WASHC5: variants seen among roughly 807,000 people sequenced by gnomAD.
The protein encoded by WASHC5 is WASH complex subunit 5, also known as WASH complex subunit strumpellin.
WASHC5 carries 101 observed loss-of-function variants against 150.4 expected under a neutral mutation model. That is an observed-to-expected ratio of 0.67 (90% CI 0.57 to 0.79). The LOEUF is 0.79. Among genes scored for constraint, WASHC5 ranks in the 30% least tolerant of loss-of-function variants. WASHC5 has a pLI of 0.00. For synonymous variants in WASHC5, 467 were observed against 491.2 expected, an observed-to-expected ratio of 0.95 and a Z score of 0.65; for missense variants, 1,195 against 1,396.3, an observed-to-expected ratio of 0.86 and a Z score of 2.30.
chr8:125,067,828 A>C (rs1816793547), intron 9 of WASHC5, 109 bp from the exon 10 acceptor site: 4 of 1,152,412 alleles, frequency 3.5e-6, no homozygotes, highest in Non-Finnish European at 3.8e-6. Flanking sequence ...AAAAGTAATA[A>C]GCAAAATGTA....
In WASHC5 at chr8:125,078,933, G is replaced by A. The variant is rs759559691; in HGVS notation, c.519-3C>T. 2.4e-5 allele frequency: 39 copies of A among 1,612,472 alleles called. No homozygotes were observed. The highest frequency in any genetic ancestry group is 3.1e-5 in the Non-Finnish European group (37 of 1,178,866). ...AATCAGCAGAAGATCGAGCAGCACT[G>A]AGTCATATTCACAATGGGAAACAAA... On this transcript the variant is annotated splice_polypyrimidine_tract_variant and splice_region_variant and intron_variant, in intron 5 of 28. Transcript: ENST00000318410.
intron 21 of WASHC5, 153 bp downstream of exon 21, chr8:125,044,383 C>T (rs1815993379): frequency 9.5e-6 from 8 of 843,536 alleles, no homozygotes; most frequent in East Asian, 7.3e-5. Flanking sequence ...TAGTTTATTC[C>T]CAGCTCTGAT....
chr8:125,056,120 C>T (rs985941203), intron 16 of WASHC5, among the ~76,000 whole-genome samples: 12 of 152,184 alleles, frequency 7.9e-5, no homozygotes, highest in African/African-American at 2.4e-4. Context: ...AAGTCCCTGA[C>T]ATATTTCTTG....
chr8:125,066,239 C>T (rs1002330770), intron 10 of WASHC5, among the ~76,000 whole-genome samples: 1 of 152,174 alleles, frequency 6.6e-6, no homozygotes, highest in African/African-American at 2.4e-5. Context: ...TCACTGAAAA[C>T]ACTAAGCACA....
intron 28 of WASHC5, among the ~76,000 whole-genome samples, chr8:125,028,387 T>C (rs1303381448): frequency 6.6e-6 from 1 of 151,944 alleles, no homozygotes; most frequent in Non-Finnish European, 1.5e-5. Flanking sequence ...CTGACAGGAG[T>C]ACATGGTGGA....
chr8:125,066,064 A>G (rs1816735782), intron 10 of WASHC5, among the ~76,000 whole-genome samples: 1 of 152,152 alleles, frequency 6.6e-6, no homozygotes, highest in African/African-American at 2.4e-5. Flanking sequence ...GGCAGCTCCT[A>G]GACGGTAGGG....
At chr8:125,044,845 A>G (rs994366128) in intron 20 of WASHC5, 147 bp from the exon 21 acceptor site, 41 of 826,334 alleles carry the variant, frequency 5.0e-5, no homozygotes, top group African/African-American at 8.3e-5. Context: ...CAGGCACCCA[A>G]TGCGTCTTCC....
intron 19 of WASHC5, among the ~76,000 whole-genome samples, chr8:125,048,324 A>T (rs764695415): frequency 6.6e-5 from 10 of 152,228 alleles, no homozygotes; most frequent in Non-Finnish European, 1.5e-4. Context: ...TACTAAAATC[A>T]AACTTCTCAA....
chr8:125,089,397 T>TA (rs375418868), intron 1 of WASHC5, among the ~76,000 whole-genome samples: 142 of 152,040 alleles, frequency 9.3e-4, no homozygotes, highest in African/African-American at 2.8e-3. Context: ...CTGATGACCT[T>TA]AAAAAAAATC....
chr8:125,059,590 T>C (rs1362247520), intron 12 of WASHC5, 48 bp from the exon 13 acceptor site: 2 of 1,415,028 alleles, frequency 1.4e-6, no homozygotes, highest in African/African-American at 1.4e-5. Flanking sequence ...ATGGACTCTA[T>C]GGTGCTCATT....
At chr8:125,043,422 T>C (rs1418128168) in intron 23 of WASHC5, among the ~76,000 whole-genome samples, 2 of 152,224 alleles carry the variant, frequency 1.3e-5, no homozygotes, top group African/African-American at 4.8e-5. Flanking sequence ...CTAACATCTA[T>C]GCAGACACAA....
intron 4 of WASHC5, among the ~76,000 whole-genome samples, chr8:125,082,114 C>T (rs1817282824): frequency 6.6e-6 from 1 of 152,186 alleles, no homozygotes; most frequent in Non-Finnish European, 1.5e-5. Flanking sequence ...GGTATCAGGA[C>T]AGATGGCTGG....
At chr8:125,057,810 A>G (rs1010619017) in intron 14 of WASHC5, 144 bp from the exon 15 acceptor site, 2 of 689,604 alleles carry the variant, frequency 2.9e-6, no homozygotes, top group Non-Finnish European at 2.6e-6. Context: ...CAGTTTTTGA[A>G]AAACCCAAGT....
In WASHC5 at chr8:125,055,545, G is replaced by GCTA. The variant is rs765979874; in HGVS notation, c.2097+43_2097+45dup. ...GATAATTACCACAAAAACCCAAACA[G>GCTA]CTAAGAGTCATGGTGCGAGGCCACG... is the stretch of plus-strand genomic sequence containing the variant. On this transcript the variant is annotated intron_variant, in intron 17 of 28. Coordinates refer to ENST00000318410, the MANE Select transcript of WASHC5 (RefSeq NM_014846.4). The GCTA allele has an allele frequency of 2.3e-5, 26 of 1,110,352 alleles. No homozygotes were observed. In the East Asian group the frequency reaches 5.9e-4, roughly 25 times the overall value. The allele number at this position is 1,110,352 out of a possible 1,614,324, so 68.8% of individuals were successfully genotyped here.
intron 9 of WASHC5, among the ~76,000 whole-genome samples, chr8:125,070,570 A>C (rs1398540377): frequency 6.6e-6 from 1 of 152,226 alleles, no homozygotes; most frequent in African/African-American, 2.4e-5. Flanking sequence ...TGACAGGATA[A>C]AGTGAGGGCT....
intron 15 of WASHC5, among the ~76,000 whole-genome samples, chr8:125,057,041 T>A (rs1412107646): frequency 6.6e-6 from 1 of 152,198 alleles, no homozygotes; most frequent in Non-Finnish European, 1.5e-5. Context: ...ACTGTATCAT[T>A]CCCATTTTAC....
intron 14 of WASHC5, among the ~76,000 whole-genome samples, chr8:125,058,863 C>A (rs1189515225): frequency 1.3e-5 from 2 of 152,228 alleles, no homozygotes; most frequent in East Asian, 3.9e-4. Context: ...TAGTTTGTAG[C>A]AGAGGCTCAG....
At chr8:125,034,841 TG>T (rs1815651862) in intron 26 of WASHC5, among the ~76,000 whole-genome samples, 1 of 152,004 alleles carries the variant, frequency 6.6e-6, no homozygotes, top group Non-Finnish European at 1.5e-5. Context: ...AAAGCAAGAG[TG>T]ATGTTAACAA....
At chr8:125,067,336 A>C (rs1442894556) in intron 10 of WASHC5, among the ~76,000 whole-genome samples, 1 of 152,128 alleles carries the variant, frequency 6.6e-6, no homozygotes, top group African/African-American at 2.4e-5. Flanking sequence ...TTCTTTGATT[A>C]ATGTCTATAT....
Sources: allele counts gnomAD v4.1 joint callset (sites outside exome capture counted in the v4.1 genomes callset), GRCh38; gene constraint gnomAD v4.1.1; transcripts MANE v1.5; gene names NCBI Gene and HGNC (gene_info 2026-07-23, HGNC 2026-07-21).